The following NPSR1 variants were observed in gnomAD, a reference collection of about 807,000 sequenced individuals.
The protein encoded by NPSR1 is neuropeptide S receptor.
NPSR1 carries 48 observed loss-of-function variants against 46.9 expected under a neutral mutation model. The observed-to-expected ratio is 1.02, with a 90% CI of 0.81 to 1.30. The LOEUF (loss-of-function observed/expected upper bound fraction) is 1.30, where lower values mean the gene tolerates loss of function less well. NPSR1 is among the 50% of genes most tolerant of loss of function. The pLI, the probability that NPSR1 is intolerant of heterozygous loss-of-function variation, is 0.00. For synonymous variants in NPSR1, 176 were observed against 168.1 expected (o/e 1.05, Z -0.36); for missense variants, 450 against 449.5 (o/e 1.00, Z -0.01).
At chr7:34,792,598 T>C (rs1307807166) in intron 3 of NPSR1, among the ~76,000 whole-genome samples, 1 of 134,616 alleles carries the variant, frequency 7.4e-6, no homozygotes, top group African/African-American at 2.7e-5. Context: ...TATACGTATA[T>C]ATGTGTGTGT....
At chr7:34,798,948 G>A (rs1445627107) in intron 3 of NPSR1, among the ~76,000 whole-genome samples, 3 of 152,102 alleles carry the variant, frequency 2.0e-5, no homozygotes, top group East Asian at 3.9e-4. Flanking sequence ...GTAGGATGCA[G>A]TAAAAGCAGT....
rs78546692 is a variant in NPSR1, at chr7:34,666,746, G to C, written c.147+8187G>C. On this transcript the variant is annotated intron_variant, in intron 1 of 8. Transcript: ENST00000360581. The stretch of plus-strand genomic sequence containing the variant: ...GATCTTAAAACATGGCCCCCAGAGA[G>C]TCAAGCAGACATTGCATTATTACAC... Among the ~76,000 whole-genome samples, 896 of 152,240 alleles carry C rather than the reference G, an allele frequency of 5.9e-3. 9 individuals carry two copies. The highest frequency in any genetic ancestry group is 8.9e-3 in the Non-Finnish European group (605 of 68,016).
chr7:34,672,295 T>C (rs1792097502), intron 1 of NPSR1, among the ~76,000 whole-genome samples: 2 of 152,208 alleles, frequency 1.3e-5, no homozygotes, highest in South Asian at 4.1e-4. Flanking sequence ...AATTTAATTG[T>C]TTCAAAGCTT....
At chr7:34,858,042 A>G (rs916279876) in intron 8 of NPSR1, among the ~76,000 whole-genome samples, 19 of 151,866 alleles carry the variant, frequency 1.3e-4, no homozygotes, top group Non-Finnish European at 2.2e-4. Context: ...ACAATATCAA[A>G]TGTTGCTGAG....
rs112862463 is a variant in NPSR1 at position 34,828,087 on chromosome 7, A to G, written c.680+485A>G. ...TGAAAAGATAGACATACTTGAAACA[A>G]ACTGAACACAAAACTCAGTATGCAC... On this transcript the variant is annotated intron_variant, in intron 5 of 8. Transcript: ENST00000360581. Among the ~76,000 whole-genome samples, 106 of 152,374 alleles carry G rather than the reference A, an allele frequency of 7.0e-4. 1 individual carries two copies. Among genetic ancestry groups the G allele is most frequent in the African/African-American group, 2.5e-3 (104 of 41,588 alleles).
intron 1 of NPSR1, among the ~76,000 whole-genome samples, chr7:34,681,604 T>C (rs1443172443): frequency 1.3e-5 from 2 of 152,134 alleles, no homozygotes; most frequent in Non-Finnish European, 2.9e-5. Flanking sequence ...GCCAAAGACA[T>C]GTAGGGTGGC....
intron 3 of NPSR1, among the ~76,000 whole-genome samples, chr7:34,781,959 C>G: frequency 6.6e-6 from 1 of 152,184 alleles, no homozygotes; most frequent in East Asian, 1.9e-4. Context: ...TAATTCTGTG[C>G]ATACCTGTGC....
rs35098985 is a variant in NPSR1, at chr7:34,730,267, G to GA, written c.280+45589dup. Among the ~76,000 whole-genome samples the GA allele has an allele frequency of 9.4e-4, 143 of 152,056 alleles. 1 individual carries two copies. Among genetic ancestry groups the GA allele is most frequent in the African/African-American group, 3.4e-3 (139 of 41,486 alleles). On this transcript the variant is annotated intron_variant, in intron 2 of 8. Transcript: ENST00000360581. ...TTTAAGTGCATTTGAAATGAATAGA[G>GA]AAAAAAGGGATCATGTCTCCAGCAC...
In NPSR1 at chr7:34,740,006, G is replaced by A. The variant is rs575777143; in HGVS notation, c.281-38456G>A. Among the ~76,000 whole-genome samples the A allele has an allele frequency of 2.4e-4, 37 of 152,234 alleles. 1 individual carries two copies. The South Asian group carries it at 7.3e-3, about 30-fold the overall frequency. Reference sequence around the variant, plus strand: ...CGTTTGTCTTCAGCTAGCAGGGTGAGTAGGAAAGAACCATTAGTTGGGGAC... The same window carrying A: ...CGTTTGTCTTCAGCTAGCAGGGTGAATAGGAAAGAACCATTAGTTGGGGAC... On this transcript the variant is annotated intron_variant, in intron 2 of 8. Coordinates refer to ENST00000360581, the MANE Select transcript of NPSR1 (RefSeq NM_207172.2).
chr7:34,792,465 G>T (rs529233522), intron 3 of NPSR1, among the ~76,000 whole-genome samples: 4 of 147,426 alleles, frequency 2.7e-5, no homozygotes, highest in African/African-American at 5.1e-5. Context: ...TTCAAGACCC[G>T]CCAGGGAAAC....
rs1197975827 is a variant in NPSR1 at position 34,834,475 on chromosome 7, T to C, written c.757+15T>C. On this transcript the variant is annotated intron_variant, in intron 6 of 8. Transcript: ENST00000360581. ...CAACTGCTCAGGTAAGTCTCTACTC[T>C]GCATGGCCCAATTCTTGGCTAATTT... 7.0e-6 allele frequency: 11 copies of C among 1,576,360 alleles called. No homozygotes were observed. The highest frequency in any genetic ancestry group is 7.9e-6 in the Non-Finnish European group (9 of 1,145,898).
intron 3 of NPSR1, among the ~76,000 whole-genome samples, chr7:34,795,784 T>C (rs1251683807): frequency 6.6e-6 from 1 of 152,128 alleles, no homozygotes; most frequent in East Asian, 1.9e-4. Context: ...TTATTCCATG[T>C]ATACATAGGA....
intron 3 of NPSR1, among the ~76,000 whole-genome samples, chr7:34,797,707 G>GA (rs1183157468): frequency 2.0e-5 from 3 of 152,040 alleles, no homozygotes; most frequent in Non-Finnish European, 4.4e-5. Context: ...ATAAATGTCA[G>GA]AAAAAATGTA....
At chr7:34,694,758 G>A (rs1346544445) in intron 2 of NPSR1, among the ~76,000 whole-genome samples, 2 of 152,154 alleles carry the variant, frequency 1.3e-5, no homozygotes, top group Non-Finnish European at 2.9e-5. Context: ...TCACCAGGCT[G>A]GAGTGCATTG....
intron 3 of NPSR1, among the ~76,000 whole-genome samples, chr7:34,783,235 T>C (rs1306729057): frequency 6.6e-6 from 1 of 152,022 alleles, no homozygotes; most frequent in Non-Finnish European, 1.5e-5. Context: ...GAAAGAGCTT[T>C]AGTTGACTCA....
Position 34,751,619 on chromosome 7 carries a change from T to C in NPSR1, c.281-26843T>C, listed in dbSNP as rs548914690. ...ACTCGGCGCTGACAGAGCTCTCCAC[T>C]CACTGCCTGCTCCAAGTGGACCAGC... is the stretch of plus-strand genomic sequence containing the variant. On this transcript the variant is annotated intron_variant, in intron 2 of 8. Transcript: ENST00000360581. 3 of 1,602,394 alleles carry C rather than the reference T, an allele frequency of 1.9e-6. No homozygotes were observed. The East Asian group carries it at 6.7e-5, about 36-fold the overall frequency.
At position 34,848,503 on chromosome 7, in the gene NPSR1, C is replaced by A. The variant is rs962588749; in HGVS notation, c.865C>A (p.Pro289Thr). Residue 289 changes from proline (P) to threonine (T), a missense_variant, in exon 8 of 9, where the codon CCA (proline) becomes ACA (threonine). By Grantham distance (38) the Pro-to-Thr change is conservative. Coordinates refer to ENST00000360581, the MANE Select transcript of NPSR1 (RefSeq NM_207172.2). ...IILAFICCWS[P>T]YFLFDILDNF... is the part of the protein sequence containing the mutation. ...CCCAGCCTTCATCTGCTGTTGGAGT[C>A]CATACTTCCTGTTTGACATTTTGGA... is the stretch of plus-strand genomic sequence containing the variant. 2.5e-6 allele frequency: 4 copies of A among 1,614,132 alleles called. No homozygotes were observed. Among genetic ancestry groups the A allele is most frequent in the Middle Eastern group, 1.6e-4 (1 of 6,062 alleles).
At chr7:34,857,516 T>G (rs1268851994) in intron 8 of NPSR1, among the ~76,000 whole-genome samples, 1 of 151,736 alleles carries the variant, frequency 6.6e-6, no homozygotes, top group Non-Finnish European at 1.5e-5. Context: ...GAAAGGGTGT[T>G]CTTTTCAATT....
intron 1 of NPSR1, among the ~76,000 whole-genome samples, chr7:34,683,883 C>T (rs28738776): frequency 0.18 from 26,933 of 152,126 alleles, 3,485 homozygotes; most frequent in African/African-American, 0.36. Flanking sequence ...TTGGAGGACA[C>T]ATTCAAACCA....
Sources: gnomAD v4.1 joint callset for allele counts (sites outside exome capture counted in the v4.1 genomes callset) on GRCh38, gnomAD v4.1.1 for gene constraint, MANE v1.5 for transcripts, NCBI Gene and HGNC (gene_info 2026-07-23, HGNC 2026-07-21) for gene names.